Variants in PPFIA2 observed in about 807,000 individuals in gnomAD.
PPFIA2 encodes the protein liprin-alpha-2.
A neutral mutation model predicts 175.5 loss-of-function variants in PPFIA2; 46 were observed. That is an observed-to-expected ratio of 0.26 (90% CI 0.21 to 0.34). The LOEUF is 0.34. Ranked by LOEUF, PPFIA2 falls within the 10% of genes least tolerant of loss-of-function variation. PPFIA2 has a pLI of 1.00. For missense variants in PPFIA2, 1,179 were observed against 1,506.1 expected, an observed-to-expected ratio of 0.78 and a Z score of 3.60; for synonymous variants, 568 against 511.4, an observed-to-expected ratio of 1.11 and a Z score of -1.49.
intron 3 of PPFIA2, among the ~76,000 whole-genome samples, chr12:81,678,535 A>G (rs951263892): frequency 1.3e-5 from 2 of 151,890 alleles, no homozygotes; most frequent in Non-Finnish European, 2.9e-5. Flanking sequence ...AATGACAAGG[A>G]GTACTTACCA....
chr12:81,654,010 T>C (rs1327143746), intron 4 of PPFIA2, among the ~76,000 whole-genome samples: 1 of 151,898 alleles, frequency 6.6e-6, no homozygotes, highest in Non-Finnish European at 1.5e-5. Flanking sequence ...CAGCTAAGAA[T>C]ATGGGAACAT....
chr12:81,730,692 T>A (rs984856762), intron 3 of PPFIA2, among the ~76,000 whole-genome samples: 5 of 151,602 alleles, frequency 3.3e-5, no homozygotes, highest in Non-Finnish European at 4.4e-5. Flanking sequence ...TATTCTGTCC[T>A]CAAATGGAAA....
At chr12:81,630,881 C>CTATA (rs67242917) in intron 4 of PPFIA2, among the ~76,000 whole-genome samples, 4,392 of 140,574 alleles carry the variant, frequency 0.031, 143 homozygotes, top group East Asian at 0.15. Flanking sequence ...TATGGAAAGG[C>CTATA]TATATATATA....
intron 4 of PPFIA2, among the ~76,000 whole-genome samples, chr12:81,638,757 G>A (rs1025373954): frequency 5.4e-5 from 7 of 130,274 alleles, no homozygotes; most frequent in African/African-American, 1.8e-4. Flanking sequence ...GCGGGATCTC[G>A]GCTCACTGCA....
Position 81,372,207 on chromosome 12 carries a change from A to T in PPFIA2, c.1266+2427T>A, listed in dbSNP as rs143399683. 2.0e-3 allele frequency among the ~76,000 whole-genome samples: 310 copies of T among 151,852 alleles called. 6 individuals carry two copies. In the East Asian group the frequency reaches 0.028, roughly 13 times the overall value. ...AAAATTTAAAATATACTAAAGTTTT[A>T]GGATGAACTACAGGCAGAAATGGTT... On this transcript the variant is annotated intron_variant, in intron 11 of 32. Transcript: ENST00000549396.
chr12:81,492,751 G>A (rs938418147), intron 4 of PPFIA2, among the ~76,000 whole-genome samples: 2 of 152,038 alleles, frequency 1.3e-5, no homozygotes, highest in Non-Finnish European at 2.9e-5. Context: ...GAAGCAAATG[G>A]AAGATTTAGA....
chr12:81,321,202 TTTC>T (rs957672961), intron 22 of PPFIA2, among the ~76,000 whole-genome samples: 6 of 152,112 alleles, frequency 3.9e-5, no homozygotes, highest in African/African-American at 1.2e-4. Flanking sequence ...TAGTTATATG[TTTC>T]AGGCAATTAT....
chr12:81,560,290 T>TAG (rs1482811014), intron 4 of PPFIA2, among the ~76,000 whole-genome samples: 5 of 150,826 alleles, frequency 3.3e-5, no homozygotes, highest in East Asian at 1.9e-4. Flanking sequence ...GAGAGAGAGC[T>TAG]AGAGAGAGAG....
intron 2 of PPFIA2, among the ~76,000 whole-genome samples, chr12:81,757,110 A>G (rs1157010229): frequency 6.6e-6 from 1 of 152,218 alleles, no homozygotes; most frequent in African/African-American, 2.4e-5. Flanking sequence ...ATGCAGTATA[A>G]CATTTCTTAA....
chr12:81,569,037 C>G (rs1349997562), intron 4 of PPFIA2, among the ~76,000 whole-genome samples: 2 of 151,958 alleles, frequency 1.3e-5, no homozygotes, highest in East Asian at 3.9e-4. Context: ...TAATGGTATT[C>G]AAATAGGACA....
chr12:81,440,510 G>T (rs2049977786), intron 6 of PPFIA2, among the ~76,000 whole-genome samples: 1 of 151,986 alleles, frequency 6.6e-6, no homozygotes, highest in Non-Finnish European at 1.5e-5. Context: ...TTTGCCTGAA[G>T]GAAAGGCCTT....
chr12:81,356,557 G>A (rs939471000), intron 16 of PPFIA2, among the ~76,000 whole-genome samples: 1 of 152,014 alleles, frequency 6.6e-6, no homozygotes, highest in Non-Finnish European at 1.5e-5. Context: ...CAGCTACTTG[G>A]GAGGCTGAGA....
At chr12:81,592,913 GC>G (rs78412256) in intron 4 of PPFIA2, among the ~76,000 whole-genome samples, 55,378 of 151,726 alleles carry the variant, frequency 0.36, 10,624 homozygotes, top group Middle Eastern at 0.44. Context: ...GTACCACCAT[GC>G]CCAGCTAATT....
chr12:81,512,402 A>T (rs1175786702), intron 4 of PPFIA2: 2 of 1,248,602 alleles, frequency 1.6e-6, no homozygotes, highest in Admixed American at 2.4e-5. Flanking sequence ...AAACTTTGTG[A>T]TGCTGGACCC....
chr12:81,471,899 C>G (rs1396069343), intron 4 of PPFIA2, among the ~76,000 whole-genome samples: 3 of 152,236 alleles, frequency 2.0e-5, no homozygotes, highest in South Asian at 2.1e-4. Flanking sequence ...ATGTTTATTA[C>G]CTGAATTCCA....
intron 4 of PPFIA2, among the ~76,000 whole-genome samples, chr12:81,520,450 C>T (rs1432476219): frequency 6.6e-6 from 1 of 152,190 alleles, no homozygotes; most frequent in Non-Finnish European, 1.5e-5. Context: ...AACCACAATA[C>T]TGAACTGAAA....
intron 1 of PPFIA2, 87 bp downstream of exon 1, chr12:81,759,193 C>G (rs941018768): frequency 3.4e-5 from 5 of 147,972 alleles, no homozygotes; most frequent in Non-Finnish European, 7.5e-5. Context: ...CGCCGCCCCC[C>G]CGCCGCCACA....
chr12:81,311,905 G>A (rs902081562), intron 22 of PPFIA2: 36 of 509,086 alleles, frequency 7.1e-5, no homozygotes, highest in Admixed American at 1.4e-4. Flanking sequence ...AGTCTAGAAT[G>A]TCTTTTGACA....
intron 4 of PPFIA2, among the ~76,000 whole-genome samples, chr12:81,569,457 C>T (rs1212663190): frequency 3.9e-5 from 6 of 152,096 alleles, no homozygotes; most frequent in African/African-American, 1.4e-4. Flanking sequence ...ACAAAAAAGC[C>T]TTTAGCTTCC....
Sources: gnomAD v4.1 joint callset for allele counts (sites outside exome capture counted in the v4.1 genomes callset) on GRCh38, gnomAD v4.1.1 for gene constraint, MANE v1.5 for transcripts, NCBI Gene and HGNC (gene_info 2026-07-23, HGNC 2026-07-21) for gene names.